Variants in CELSR1 observed in about 807,000 individuals in gnomAD.
CELSR1 encodes adhesion G protein-coupled receptor C1.
In CELSR1, 110 loss-of-function variants were observed where a neutral mutation model predicts 249.1. That is an observed-to-expected ratio of 0.44 (90% CI 0.38 to 0.52). CELSR1 has a LOEUF of 0.52. Among genes scored for constraint, CELSR1 ranks in the 20% least tolerant of loss-of-function variants. The pLI, the probability that CELSR1 is intolerant of heterozygous loss-of-function variation, is 0.00. For missense variants in CELSR1, 4,109 were observed against 4,296.4 expected, an observed-to-expected ratio of 0.96 and a Z score of 1.22; for synonymous variants, 2,113 against 1,900.0, an observed-to-expected ratio of 1.11 and a Z score of -2.92.
Position 46,483,417 on chromosome 22 carries a change from C to T in CELSR1, c.3545-19072G>A, listed in dbSNP as rs5767218. On this transcript the variant is annotated intron_variant, in intron 1 of 34. Transcript: ENST00000674500. The stretch of plus-strand genomic sequence containing the variant: ...TTTTTTTTTTTTTTTTTTGAGACAG[C>T]GTCTCGCTCTGTCACCCAGGCTGGA... 5.5e-4 allele frequency among the ~76,000 whole-genome samples: 72 copies of T among 131,852 alleles called. 1 individual carries two copies. Among genetic ancestry groups the T allele is most frequent in the Non-Finnish European group, 4.0e-4 (26 of 64,590 alleles). 86.5% of individuals were successfully genotyped at this position (131,852 alleles called of 152,430 possible). A position where few individuals can be genotyped will look rare whatever the true frequency, so the allele number is the denominator to read the frequency against.
rs1384508031 is a variant in CELSR1 at position 46,412,662 on chromosome 22, G to T, written c.4612-903C>A. 6.6e-6 allele frequency among the ~76,000 whole-genome samples: 1 copy of T among 152,136 alleles called. No homozygotes were observed. The highest frequency in any genetic ancestry group is 1.5e-5 in the Non-Finnish European group (1 of 68,036). On this transcript the variant is annotated intron_variant, in intron 5 of 34. Coordinates refer to ENST00000674500, the MANE Select transcript of CELSR1 (RefSeq NM_001378328.1). The surrounding 1 kb of genome is among the most constrained non-coding windows in gnomAD (Gnocchi z 4.5). ...CCTCGCAGGTCTCAGCTCCTGGTCA[G>T]TCCCTCCCAGGACACGAAGCATATC...
rs1413721464 is a variant in CELSR1 at position 46,445,185 on chromosome 22, A to G, written c.4184-5774T>C. On this transcript the variant is annotated intron_variant, in intron 2 of 34. Transcript: ENST00000674500. This position sits in a 1 kb window ranked among gnomAD's most constrained non-coding sequence, Gnocchi z 4.4. ...TAGTCCAGTCTGGGTGACAAGAGCG[A>G]AACTCCACCTCAAAAATAAAAAATA... Among the ~76,000 whole-genome samples, 2 of 150,854 alleles carry G rather than the reference A, an allele frequency of 1.3e-5. No homozygotes were observed. Among genetic ancestry groups the G allele is most frequent in the Admixed American group, 1.3e-4 (2 of 15,138 alleles).
chr22:46,400,876 C>T (rs1028916467), intron 9 of CELSR1, among the ~76,000 whole-genome samples: 13 of 151,414 alleles, frequency 8.6e-5, no homozygotes, highest in African/African-American at 2.9e-4. Flanking sequence ...CACTCAAGCC[C>T]AGGAGGCAGA....
In CELSR1 at chr22:46,411,415, A is replaced by C. The variant is rs1279514345; in HGVS notation, c.4769+187T>G. Among the ~76,000 whole-genome samples, 1 of 152,164 alleles carries C rather than the reference A, an allele frequency of 6.6e-6. No homozygotes were observed. The highest frequency in any genetic ancestry group is 6.5e-5 in the Admixed American group (1 of 15,282). ...GGCCACTCTTGACACATACTTAGGGAGACTTATTCTAGAAGGTCAGAGGGA... is the reference window on the plus strand; with the variant it reads ...GGCCACTCTTGACACATACTTAGGGCGACTTATTCTAGAAGGTCAGAGGGA... On this transcript the variant is annotated intron_variant, in intron 6 of 34. Coordinates refer to ENST00000674500, the MANE Select transcript of CELSR1 (RefSeq NM_001378328.1). The surrounding 1 kb of genome is among the most constrained non-coding windows in gnomAD (Gnocchi z 4.2).
At chr22:46,421,218 G>A (rs565137493) in intron 5 of CELSR1, among the ~76,000 whole-genome samples, 1 of 152,284 alleles carries the variant, frequency 6.6e-6, no homozygotes, top group East Asian at 1.9e-4. Context: ...GGGGGGTAGA[G>A]GCGGGAAAGG....
At chr22:46,419,653 A>C (rs1294622574) in intron 5 of CELSR1, among the ~76,000 whole-genome samples, 2 of 149,938 alleles carry the variant, frequency 1.3e-5, no homozygotes, top group Non-Finnish European at 2.9e-5. Flanking sequence ...AGTTCCCTCG[A>C]AAATGACTTT....
At chr22:46,397,277 CTTTTTT>C (rs528088887) in intron 12 of CELSR1, among the ~76,000 whole-genome samples, 1 of 78,752 alleles carries the variant, frequency 1.3e-5, no homozygotes, top group Admixed American at 1.4e-4. Context: ...CTAATTTTTG[CTTTTTT>C]TTTTTTTTTT....
Position 46,464,785 on chromosome 22 carries a change from G to A in CELSR1, c.3545-440C>T, listed in dbSNP as rs542175934. Reference sequence around the variant, plus strand: ...CTCTGCACCTGCCCTGGCCTCCAGGGATCCCACCCTGCCCAACCTCCCAAC... The same window carrying A: ...CTCTGCACCTGCCCTGGCCTCCAGGAATCCCACCCTGCCCAACCTCCCAAC... On this transcript the variant is annotated intron_variant, in intron 1 of 34. Transcript: ENST00000674500. The surrounding 1 kb of genome is among the most constrained non-coding windows in gnomAD (Gnocchi z 8.5). 1.1e-4 allele frequency among the ~76,000 whole-genome samples: 16 copies of A among 152,152 alleles called. No individual in the cohort carries two copies. The highest frequency in any genetic ancestry group is 1.0e-3 in the South Asian group (5 of 4,812).
At chr22:46,477,065 C>A (rs552690757) in intron 1 of CELSR1, among the ~76,000 whole-genome samples, 24 of 152,162 alleles carry the variant, frequency 1.6e-4, no homozygotes, top group Non-Finnish European at 2.1e-4. Context: ...TCCTTCAAAC[C>A]AAGCTGTCGA....
intron 5 of CELSR1, among the ~76,000 whole-genome samples, chr22:46,424,963 T>A (rs1399054060): frequency 1.3e-5 from 2 of 152,078 alleles, no homozygotes; most frequent in African/African-American, 4.8e-5. Context: ...AAGGCAAAAC[T>A]CTGTCTGAAA....
In CELSR1 at chr22:46,406,775, G is replaced by A. The variant is rs141528607; in HGVS notation, c.5226+2221C>T. ...CGCCTCAGTTTCCCGTGTGTGGAACGAGAGCTTGGAGCAGGCACTCCGTAA... is the reference window on the plus strand; with the variant it reads ...CGCCTCAGTTTCCCGTGTGTGGAACAAGAGCTTGGAGCAGGCACTCCGTAA... On this transcript the variant is annotated intron_variant, in intron 9 of 34. Transcript: ENST00000674500. The surrounding 1 kb of genome is among the most constrained non-coding windows in gnomAD (Gnocchi z 5.4). Among the ~76,000 whole-genome samples the A allele has an allele frequency of 3.9e-4, 60 of 152,260 alleles. No individual in the cohort carries two copies. The highest frequency in any genetic ancestry group is 1.3e-3 in the African/African-American group (56 of 41,524).
At position 46,364,032 on chromosome 22, in the gene CELSR1, C is replaced by T. The variant is rs376054333; in HGVS notation, c.8999G>A (p.Arg3000His). ...GCCATCGGCCTGGGCGCTCCCAGTG[C>T]GCACATTCATGGCCACCCCGTTGAG... ...DHLNGVAMNV[R>H]TGSAQADGSD... The change falls in exon 34 of 35, where the codon CGC becomes CAC. Residue 3000 changes from arginine (R) to histidine (H), a missense_variant. Around this residue, in one of 7 missense-constraint regions of CELSR1, gnomAD observed 1,805 missense variants for 1,831.6 expected, o/e 0.99. Coordinates refer to ENST00000674500, the MANE Select transcript of CELSR1 (RefSeq NM_001378328.1). The T allele has an allele frequency of 1.2e-4, 196 of 1,611,064 alleles. No homozygotes were observed. The highest frequency in any genetic ancestry group is 3.1e-4 in the East Asian group (14 of 44,826).
chr22:46,375,331 T>C (rs1030930880), intron 24 of CELSR1, among the ~76,000 whole-genome samples: 2 of 152,042 alleles, frequency 1.3e-5, no homozygotes, highest in Non-Finnish European at 2.9e-5. Context: ...CAATGGGTGG[T>C]ACCTTCAACT....
In CELSR1 at chr22:46,512,169, C is replaced by T. The variant is rs1486601157; in HGVS notation, c.3544+21458G>A. ...AGAGTGACGGCGGCGCTCATAAGCC[C>T]TTACTAAGCGTGCTGCCCTCGAGGG... is the stretch of plus-strand genomic sequence containing the variant. On this transcript the variant is annotated intron_variant, in intron 1 of 34. Coordinates refer to ENST00000674500, the MANE Select transcript of CELSR1 (RefSeq NM_001378328.1). The surrounding 1 kb of genome is among the most constrained non-coding windows in gnomAD (Gnocchi z 5.2). 6.6e-6 allele frequency among the ~76,000 whole-genome samples: 1 copy of T among 152,122 alleles called. No individual in the cohort carries two copies. The highest frequency in any genetic ancestry group is 1.5e-5 in the Non-Finnish European group (1 of 68,038).
rs1400685895 is a variant in CELSR1 at position 46,464,041 on chromosome 22, C to A, written c.3849G>T (p.Gln1283His). The change falls in exon 2 of 35, where the codon CAG becomes CAT. Residue 1283 changes from glutamine to histidine, a missense_variant. Gln to His is a conservative substitution (Grantham distance 24). Coordinates refer to ENST00000674500, the MANE Select transcript of CELSR1 (RefSeq NM_001378328.1). This position sits in a 1 kb window ranked among gnomAD's most constrained non-coding sequence, Gnocchi z 8.5. ...TCAGCAGCGTCCGATTCAGGTAGAT[C>A]TGCTCCTGCAGGTCCTCCGACGGGA... ...QFFPSEDLQE[Q>H]IYLNRTLLTT... The A allele has an allele frequency of 6.2e-7, 1 of 1,613,818 alleles. No homozygotes were observed. The highest frequency in any genetic ancestry group is 8.5e-7 in the Non-Finnish European group (1 of 1,180,050).
At chr22:46,450,735 G>A (rs767578189) in intron 2 of CELSR1, among the ~76,000 whole-genome samples, 7 of 152,106 alleles carry the variant, frequency 4.6e-5, no homozygotes, top group Non-Finnish European at 1.0e-4. Flanking sequence ...AGATTGCAGG[G>A]GCCTCAGCAC....
Position 46,365,629 on chromosome 22 carries a change from C to T in CELSR1, c.8361G>A (p.Glu2787=). ...TCCTGGGCATGAGGGACGCGTCTGG[C>T]TCTCCGTGGCTGCCCCTCACCAGCC... ...SSGLVRGSHG[E]PDASLMPRSC... Residue 2787 remains glutamate, a synonymous_variant, in exon 31 of 35, where the codon GAG becomes GAA. Coordinates refer to ENST00000674500, the MANE Select transcript of CELSR1 (RefSeq NM_001378328.1). 2.5e-6 allele frequency: 4 copies of T among 1,592,732 alleles called. No individual in the cohort carries two copies. The highest frequency in any genetic ancestry group is 3.4e-6 in the Non-Finnish European group (4 of 1,170,386).
intron 1 of CELSR1, among the ~76,000 whole-genome samples, chr22:46,509,710 G>T (rs1177377772): frequency 6.6e-6 from 1 of 152,162 alleles, no homozygotes; most frequent in Non-Finnish European, 1.5e-5. Context: ...GAGTGAGGTG[G>T]CGGGGTCTGT....
rs6008829 is a variant in CELSR1, at chr22:46,440,670, C to T, written c.4184-1259G>A. On this transcript the variant is annotated intron_variant, in intron 2 of 34. Transcript: ENST00000674500. This position sits in a 1 kb window ranked among gnomAD's most constrained non-coding sequence, Gnocchi z 4.7. ...TCTTTCTGCTGGGTTTTTGGTCCTG[C>T]TCTTATTGTGTTATAGAAGCTCCTC... Among the ~76,000 whole-genome samples, 285 of 152,250 alleles carry T rather than the reference C, an allele frequency of 1.9e-3. 2 individuals are homozygous for T. The Middle Eastern group carries it at 0.02, about 11-fold the overall frequency.
Sources: allele counts gnomAD v4.1 joint callset (sites outside exome capture counted in the v4.1 genomes callset), GRCh38; gene constraint gnomAD v4.1.1; regional missense constraint gnomAD v4.1.1; non-coding constraint Gnocchi (gnomAD v3.1); transcripts MANE v1.5; gene names NCBI Gene and HGNC (gene_info 2026-07-23, HGNC 2026-07-21).